Variants in RIPOR2 observed in about 807,000 individuals in gnomAD.
RIPOR2 encodes the protein RHO family interacting cell polarization regulator 2, also known as rho family-interacting cell polarization regulator 2.
A neutral mutation model predicts 114.5 loss-of-function variants in RIPOR2; 39 were observed. The ratio of observed to expected loss-of-function variants is 0.34; its 90% CI spans 0.26 to 0.44. The LOEUF (loss-of-function observed/expected upper bound fraction) is 0.44, where lower values mean the gene tolerates loss of function less well. Ranked by LOEUF, RIPOR2 falls within the 20% of genes least tolerant of loss-of-function variation. The pLI is 1.00. For missense variants in RIPOR2, 1,007 were observed against 1,255.1 expected, an observed-to-expected ratio of 0.80 and a Z score of 2.99; for synonymous variants, 445 against 484.4, an observed-to-expected ratio of 0.92 and a Z score of 1.07.
At chr6:24,948,723 G>T (rs1772592566) in intron 1 of RIPOR2, among the ~76,000 whole-genome samples, 1 of 152,044 alleles carries the variant, frequency 6.6e-6, no homozygotes, top group Non-Finnish European at 1.5e-5. Flanking sequence ...TAGAGATGGG[G>T]TTTCTCCATG....
chr6:24,908,900 G>A (rs564225133), intron 1 of RIPOR2, among the ~76,000 whole-genome samples: 7 of 152,192 alleles, frequency 4.6e-5, no homozygotes, highest in Admixed American at 1.3e-4. Flanking sequence ...GCATGCTTTC[G>A]GTTTTCTTTC....
At chr6:24,997,706 G>T (rs868723991) in intron 1 of RIPOR2, among the ~76,000 whole-genome samples, 3 of 152,148 alleles carry the variant, frequency 2.0e-5, no homozygotes, top group Non-Finnish European at 4.4e-5. Flanking sequence ...GTCATCCTTT[G>T]TTGAAAACCA....
chr6:24,810,854 G>C (rs991574015), intron 20 of RIPOR2, among the ~76,000 whole-genome samples: 2 of 152,076 alleles, frequency 1.3e-5, no homozygotes, highest in African/African-American at 4.8e-5. Context: ...ACCCAGACTG[G>C]AGTACAGTGG....
intron 1 of RIPOR2, among the ~76,000 whole-genome samples, chr6:24,901,098 A>G (rs1234963834): frequency 2.0e-5 from 3 of 152,138 alleles, no homozygotes; most frequent in Non-Finnish European, 2.9e-5. Flanking sequence ...GAGATGATAG[A>G]GGGAAGGTCA....
At chr6:24,968,603 G>C (rs1241300171) in intron 1 of RIPOR2, among the ~76,000 whole-genome samples, 1 of 152,198 alleles carries the variant, frequency 6.6e-6, no homozygotes, top group Non-Finnish European at 1.5e-5. Flanking sequence ...ATGAGAGGTT[G>C]CCACTGGCAT....
chr6:25,028,161 C>T (rs542822660), intron 1 of RIPOR2, among the ~76,000 whole-genome samples: 1 of 152,296 alleles, frequency 6.6e-6, no homozygotes, highest in South Asian at 2.1e-4. Flanking sequence ...TCTAGCACAG[C>T]GCAGGAAGAT....
At chr6:24,918,975 C>T (rs1317288132) in intron 1 of RIPOR2, among the ~76,000 whole-genome samples, 1 of 152,208 alleles carries the variant, frequency 6.6e-6, no homozygotes, top group Non-Finnish European at 1.5e-5. Context: ...GCACCTCCCC[C>T]AACTAACACA....
chr6:25,031,730 TATATATATATATATATATATAA>T (rs1233633272), intron 1 of RIPOR2, among the ~76,000 whole-genome samples: 3 of 109,176 alleles, frequency 2.7e-5, no homozygotes, highest in Non-Finnish European at 5.5e-5. Flanking sequence ...TATATATATA[TATATATATATATATATATATAA>T]AATATCCATA....
intron 1 of RIPOR2, among the ~76,000 whole-genome samples, chr6:24,926,785 A>G (rs1770884007): frequency 6.6e-6 from 1 of 152,086 alleles, no homozygotes; most frequent in African/African-American, 2.4e-5. Flanking sequence ...TATATCATAC[A>G]TTATCTCCCT....
At chr6:24,978,006 A>G (rs1302029142) in intron 1 of RIPOR2, among the ~76,000 whole-genome samples, 1 of 152,224 alleles carries the variant, frequency 6.6e-6, no homozygotes, top group Non-Finnish European at 1.5e-5. Context: ...AGCAGCATTC[A>G]GTCTGTTAAG....
chr6:25,040,250 G>C (rs1264372757), intron 1 of RIPOR2, among the ~76,000 whole-genome samples: 2 of 151,984 alleles, frequency 1.3e-5, no homozygotes, highest in African/African-American at 4.8e-5. Context: ...TGAGTAGTTG[G>C]GATTACAGGT....
chr6:24,932,913 T>C (rs1771515350), intron 1 of RIPOR2, among the ~76,000 whole-genome samples: 1 of 152,226 alleles, frequency 6.6e-6, no homozygotes, highest in South Asian at 2.1e-4. Context: ...TACAGGTAGA[T>C]ACATCATTTT....
intron 1 of RIPOR2, among the ~76,000 whole-genome samples, chr6:24,900,331 A>G (rs1211120791): frequency 6.6e-6 from 1 of 152,216 alleles, no homozygotes; most frequent in African/African-American, 2.4e-5. Flanking sequence ...TATAAAATGG[A>G]GTAATTACCT....
At chr6:24,866,518 A>AT (rs59177662) in intron 6 of RIPOR2, among the ~76,000 whole-genome samples, 60 of 136,768 alleles carry the variant, frequency 4.4e-4, no homozygotes, top group East Asian at 1.3e-3. Flanking sequence ...AGGGTTGAAA[A>AT]TTTTTTTTTT....
At position 24,944,363 on chromosome 6, in the gene RIPOR2, G is replaced by C. The variant is rs143932182; in HGVS notation, c.77-68546C>G. ...TAAAGAAATTTCTGTTCAGTCATTAGTGTACCACTAAGCTAATCAAGCAGA... is the reference window on the plus strand; with the variant it reads ...TAAAGAAATTTCTGTTCAGTCATTACTGTACCACTAAGCTAATCAAGCAGA... On this transcript the variant is annotated intron_variant, in intron 1 of 13. Transcript: ENST00000510784. Among the ~76,000 whole-genome samples the C allele has an allele frequency of 7.2e-3, 1,095 of 152,230 alleles. 10 individuals are homozygous for C. Among genetic ancestry groups the C allele is most frequent in the African/African-American group, 0.025 (1,019 of 41,540 alleles).
intron 1 of RIPOR2, among the ~76,000 whole-genome samples, chr6:24,990,306 T>C (rs1023918422): frequency 2.0e-5 from 3 of 152,212 alleles, no homozygotes; most frequent in Non-Finnish European, 4.4e-5. Flanking sequence ...TAGGTGGATA[T>C]TTGCAAAAAC....
upstream of RIPOR2, among the ~76,000 whole-genome samples, chr6:24,937,185 G>A (rs1265153858): frequency 2.0e-5 from 3 of 152,318 alleles, no homozygotes; most frequent in East Asian, 5.8e-4. Flanking sequence ...TACAGCTTGG[G>A]TCCTGCTGGG....
At chr6:24,964,324 C>T (rs1773434182) in intron 1 of RIPOR2, among the ~76,000 whole-genome samples, 1 of 152,168 alleles carries the variant, frequency 6.6e-6, no homozygotes, top group Non-Finnish European at 1.5e-5. Context: ...TCCTTAATCC[C>T]TGGCAACTCC....
At chr6:24,810,051 ATG>A (rs1781040918) in intron 20 of RIPOR2, among the ~76,000 whole-genome samples, 1 of 152,102 alleles carries the variant, frequency 6.6e-6, no homozygotes, top group Non-Finnish European at 1.5e-5. Context: ...AGGTCTCACT[ATG>A]TTGCCCAGGC....
Sources: allele counts gnomAD v4.1 joint callset (sites outside exome capture counted in the v4.1 genomes callset), GRCh38; gene constraint gnomAD v4.1.1; transcripts MANE v1.5; gene names NCBI Gene and HGNC (gene_info 2026-07-23, HGNC 2026-07-21).